The following COL5A2 variants were observed in gnomAD, a reference collection of about 807,000 sequenced individuals.
COL5A2 encodes the protein collagen alpha-2(V) chain.
A neutral mutation model predicts 208.2 loss-of-function variants in COL5A2; 23 were observed. The ratio of observed to expected loss-of-function variants is 0.11; its 90% confidence interval spans 0.08 to 0.16. COL5A2 has a LOEUF of 0.16. Among genes scored for constraint, COL5A2 ranks in the 10% least tolerant of loss-of-function variants. The pLI, the probability that COL5A2 is intolerant of heterozygous loss-of-function variation, is 1.00. For missense variants in COL5A2, 1,590 were observed against 1,956.4 expected, an observed-to-expected ratio of 0.81 and a Z score of 3.53; for synonymous variants, 625 against 628.5, an observed-to-expected ratio of 0.99 and a Z score of 0.08.
the COL5A2 span, among the ~76,000 whole-genome samples, chr2:189,354,904 C>T: frequency 7.2e-5 from 11 of 152,250 alleles, no homozygotes; most frequent in African/African-American, 2.6e-4. Context: ...CCTGCTTTCT[C>T]TTGTGGGTAT....
At chr2:189,288,144 A>G in the COL5A2 span, among the ~76,000 whole-genome samples, 1 of 151,652 alleles carries the variant, frequency 6.6e-6, no homozygotes, top group African/African-American at 2.4e-5. Context: ...CATGAGTCAA[A>G]GCCAGAAAAA....
chr2:189,383,399 T>C, the COL5A2 span, among the ~76,000 whole-genome samples: 1 of 152,180 alleles, frequency 6.6e-6, no homozygotes, highest in Non-Finnish European at 1.5e-5. Context: ...TCACCTTTAA[T>C]GTCCCTATTT....
At chr2:189,376,407 GA>G in the COL5A2 span, among the ~76,000 whole-genome samples, 9 of 150,006 alleles carry the variant, frequency 6.0e-5, no homozygotes, top group Non-Finnish European at 1.3e-4. Context: ...TGATATGTTT[GA>G]AAAAAAAAGA....
chr2:189,311,977 C>G, the COL5A2 span: 7 of 749,152 alleles, frequency 9.3e-6, no homozygotes, highest in East Asian at 1.8e-4. Context: ...TCATCAGTGA[C>G]CTTGTGGAGC....
upstream of COL5A2, chr2:189,179,926 A>T: frequency 1.9e-6 from 1 of 527,622 alleles, no homozygotes; most frequent in Admixed American, 3.4e-5. Flanking sequence ...TCTGTGCCTG[A>T]ACTTTCCCTA....
intron 1 of COL5A2, among the ~76,000 whole-genome samples, chr2:189,139,393 A>G (rs554087507): frequency 6.6e-6 from 1 of 152,310 alleles, no homozygotes; most frequent in East Asian, 1.9e-4. Flanking sequence ...CTAATCATGA[A>G]AACAAAAATC....
intron 7 of COL5A2, among the ~76,000 whole-genome samples, chr2:189,091,784 T>C (rs72906313): frequency 0.13 from 20,179 of 152,168 alleles, 1,365 homozygotes; most frequent in Middle Eastern, 0.19. Context: ...ATGTCTGACA[T>C]TAACAATTCA....
intron 19 of COL5A2, 63 bp downstream of exon 19, chr2:189,068,723 G>A: frequency 2.6e-6 from 3 of 1,152,510 alleles, no homozygotes; most frequent in Non-Finnish European, 3.9e-6. Flanking sequence ...GGTTGAATTT[G>A]TTCTGATGTT....
At chr2:189,104,698 C>T (rs956696127) in intron 2 of COL5A2, among the ~76,000 whole-genome samples, 2 of 151,882 alleles carry the variant, frequency 1.3e-5, no homozygotes, top group South Asian at 4.1e-4. Context: ...TCCATCTGGT[C>T]CTGTGTTCCC....
intron 29 of COL5A2, among the ~76,000 whole-genome samples, chr2:189,062,386 G>C (rs1686053490): frequency 6.6e-6 from 1 of 151,952 alleles, no homozygotes; most frequent in African/African-American, 2.4e-5. Flanking sequence ...GTTTCACCAT[G>C]TTGGCCAGGC....
chr2:189,222,621 G>T (rs1159387567), intron 1 of COL5A2, among the ~76,000 whole-genome samples: 1 of 152,074 alleles, frequency 6.6e-6, no homozygotes, highest in African/African-American at 2.4e-5. Flanking sequence ...TTCCTTCTTA[G>T]GCTACCAAGC....
the COL5A2 span, among the ~76,000 whole-genome samples, chr2:189,284,810 G>A: frequency 1.3e-5 from 2 of 151,988 alleles, no homozygotes; most frequent in Non-Finnish European, 2.9e-5. Flanking sequence ...CCTACTACAC[G>A]CACAGGCTGT....
chr2:189,347,960 G>A, the COL5A2 span, among the ~76,000 whole-genome samples: 1 of 152,044 alleles, frequency 6.6e-6, no homozygotes. Flanking sequence ...GCATAAGCAT[G>A]TTTTCAGTGA....
the COL5A2 span, among the ~76,000 whole-genome samples, chr2:189,345,170 C>T: frequency 6.6e-6 from 1 of 152,126 alleles, no homozygotes; most frequent in Non-Finnish European, 1.5e-5. Flanking sequence ...ATTGGTCTTA[C>T]AATTTTAGAT....
chr2:189,341,221 G>A, the COL5A2 span, among the ~76,000 whole-genome samples: 16 of 152,132 alleles, frequency 1.1e-4, no homozygotes, highest in African/African-American at 3.6e-4. Flanking sequence ...TAGATGTCAT[G>A]TAGAGTGACT....
rs535300131 is a variant in COL5A2 at position 189,102,253 on chromosome 2, C to T, written c.336+2011G>A. 3.9e-5 allele frequency among the ~76,000 whole-genome samples: 6 copies of T among 152,100 alleles called. No individual in the cohort carries two copies. In the South Asian group the frequency reaches 1.2e-3, roughly 32 times the overall value. ...TCCTAAGAGACCTACAAGCAAAATG[C>T]ACTTTATACTTGCTTTATATGTAGG... On this transcript the variant is annotated intron_variant, in intron 3 of 53. Transcript: ENST00000374866.
chr2:189,215,661 A>G (rs1047392850), intron 1 of COL5A2, among the ~76,000 whole-genome samples: 2 of 152,230 alleles, frequency 1.3e-5, no homozygotes, highest in Admixed American at 6.5e-5. Flanking sequence ...AACAAAATAT[A>G]TATATAGACA....
chr2:189,437,071 G>C, the COL5A2 span, among the ~76,000 whole-genome samples: 2 of 152,128 alleles, frequency 1.3e-5, no homozygotes, highest in African/African-American at 4.8e-5. Context: ...CTTTGAAGCA[G>C]ACACCACTGT....
At chr2:189,262,348 C>G in the COL5A2 span, among the ~76,000 whole-genome samples, 23 of 151,922 alleles carry the variant, frequency 1.5e-4, no homozygotes, top group African/African-American at 4.8e-4. Context: ...AACACACACA[C>G]AGACAGATAC....
Sources: allele counts gnomAD v4.1 joint callset (sites outside exome capture counted in the v4.1 genomes callset), GRCh38; gene constraint gnomAD v4.1.1; transcripts MANE v1.5; gene names NCBI Gene and HGNC (gene_info 2026-07-23, HGNC 2026-07-21).